The following HECTD4 variants were observed in gnomAD, a reference collection of about 807,000 sequenced individuals.
HECTD4 encodes the protein probable E3 ubiquitin-protein ligase HECTD4.
A neutral mutation model predicts 471.5 loss-of-function variants in HECTD4; 114 were observed. The ratio of observed to expected loss-of-function variants is 0.24; its 90% CI spans 0.21 to 0.28. The LOEUF is 0.28. HECTD4 is among the 10% of genes least tolerant of loss of function. The pLI is 1.00. For missense variants in HECTD4, 3,866 were observed against 5,651.5 expected (o/e 0.68, Z 10.13); for synonymous variants, 2,012 against 2,256.0 (o/e 0.89, Z 3.07).
In HECTD4 at chr12:112,184,256, C is replaced by T. The variant is rs2031777831; in HGVS notation, c.10710G>A (p.Met3570Ile). The change falls in exon 61 of 76, where the codon ATG becomes ATA. Residue 3570 changes from methionine to isoleucine, a missense_variant. Met to Ile is a conservative substitution (Grantham distance 10, BLOSUM62 1). Transcript: ENST00000682272. The surrounding 1 kb of genome is among the most constrained non-coding windows in gnomAD (Gnocchi z 9.1). ...GGTTGTCCAGGGAAGTGACTGTGTACATGGAGCCCATGTCCGACACCGAGG... is the reference window on the plus strand; with the variant it reads ...GGTTGTCCAGGGAAGTGACTGTGTATATGGAGCCCATGTCCGACACCGAGG... ...ETASVSDMGS[M>I]YTVTSLDNQP... 2 of 1,613,568 alleles carry T rather than the reference C, an allele frequency of 1.2e-6. No individual in the cohort carries two copies. Among genetic ancestry groups the T allele is most frequent in the Non-Finnish European group, 8.5e-7 (1 of 1,179,882 alleles).
intron 1 of HECTD4, among the ~76,000 whole-genome samples, chr12:112,363,992 CAAAA>C (rs1175386198): frequency 5.7e-5 from 3 of 52,886 alleles, no homozygotes; most frequent in African/African-American, 2.2e-4. Context: ...ACTCAATCTC[CAAAA>C]AAAAAAAAAA....
rs1332050804 is a variant in HECTD4, at chr12:112,213,717, T to A, written c.7466-1067A>T. ...ATATATACATATATATATATATATA[T>A]ATAATATATATATAAAATTTAAGGC... On this transcript the variant is annotated intron_variant, in intron 48 of 75. Transcript: ENST00000682272. The surrounding 1 kb of genome is among the most constrained non-coding windows in gnomAD (Gnocchi z 4.0). Among the ~76,000 whole-genome samples, 1 of 144,194 alleles carries A rather than the reference T, an allele frequency of 6.9e-6. No individual in the cohort carries two copies. The highest frequency in any genetic ancestry group is 1.5e-5 in the Non-Finnish European group (1 of 66,574). The allele number at this position is 144,194 out of a possible 152,430, so 94.6% of individuals were successfully genotyped here. A position where few individuals can be genotyped will look rare whatever the true frequency, so the allele number is the denominator to read the frequency against.
rs1056552755 is a variant in HECTD4 at position 112,246,911 on chromosome 12, A to G, written c.4503T>C (p.Ala1501=). Residue 1501 remains alanine, a synonymous_variant, in exon 29 of 76, where the codon GCT becomes GCC. Transcript: ENST00000682272. ...GLTRSISGTP[A]ETPACKSASE... is the part of the protein sequence containing the mutation. ...ATCTTTGAGCAGTACCTGGTGTTTCAGCAGGGGTCCCAGAGATGCTTCTCG... is the reference window on the plus strand; with the variant it reads ...ATCTTTGAGCAGTACCTGGTGTTTCGGCAGGGGTCCCAGAGATGCTTCTCG... 6.2e-7 allele frequency: 1 copy of G among 1,611,784 alleles called. No individual in the cohort carries two copies. The highest frequency in any genetic ancestry group is 1.3e-5 in the African/African-American group (1 of 74,840).
At chr12:112,269,542 G>A (rs2034369832) in intron 13 of HECTD4, among the ~76,000 whole-genome samples, 162 bp downstream of exon 13, 1 of 152,226 alleles carries the variant, frequency 6.6e-6, no homozygotes, top group African/African-American at 2.4e-5. Context: ...CTCTGAAGGT[G>A]GGGCCACAAA....
At position 112,243,576 on chromosome 12, in the gene HECTD4, G is replaced by T; in HGVS notation, c.4791+44C>A. On this transcript the variant is annotated intron_variant, in intron 31 of 75. Coordinates refer to ENST00000682272, the MANE Select transcript of HECTD4 (RefSeq NM_001388303.1). This position sits in a 1 kb window ranked among gnomAD's most constrained non-coding sequence, Gnocchi z 6.6. Reference sequence around the variant, plus strand: ...TGCTAACTGCCGCAAGACCCCGCATGCTGTTAGGTGCTATTCATCTGGAGC... The same window carrying T: ...TGCTAACTGCCGCAAGACCCCGCATTCTGTTAGGTGCTATTCATCTGGAGC... 6.2e-7 allele frequency: 1 copy of T among 1,602,042 alleles called. No homozygotes were observed. The highest frequency in any genetic ancestry group is 8.5e-7 in the Non-Finnish European group (1 of 1,173,278).
chr12:112,256,713 G>GAT (rs2034017387), intron 20 of HECTD4, 195 bp from the exon 21 acceptor site: 1 of 373,106 alleles, frequency 2.7e-6, no homozygotes, highest in African/African-American at 2.1e-5. Flanking sequence ...CTTGTTGTCA[G>GAT]ATATTATACT....
intron 60 of HECTD4, among the ~76,000 whole-genome samples, chr12:112,186,220 G>A (rs1341524048): frequency 6.6e-6 from 1 of 151,098 alleles, no homozygotes; most frequent in African/African-American, 2.4e-5. Flanking sequence ...GAACTCCTGG[G>A]CTCAAGCAAT....
At chr12:112,192,508 AGAG>A in intron 59 of HECTD4, 49 bp downstream of exon 59, 1 of 1,312,436 alleles carries the variant, frequency 7.6e-7, no homozygotes, top group South Asian at 1.6e-5. Flanking sequence ...AAAGAAGGCA[AGAG>A]GAGAATGACT....
chr12:112,168,068 G>C (rs888821609), intron 70 of HECTD4, among the ~76,000 whole-genome samples, 151 bp from the exon 71 acceptor site: 7 of 152,196 alleles, frequency 4.6e-5, no homozygotes, highest in Non-Finnish European at 1.0e-4. Flanking sequence ...CCAGGCCTGG[G>C]AGGCCTCAGG....
chr12:112,241,834 C>G (rs2033647913), intron 32 of HECTD4, among the ~76,000 whole-genome samples: 1 of 152,148 alleles, frequency 6.6e-6, no homozygotes, highest in South Asian at 2.1e-4. Context: ...GTACTCCCAG[C>G]TACTTGGAAG....
rs2032155932 is a variant in HECTD4 at position 112,193,765 on chromosome 12, G to C, written c.8750-91C>G. The stretch of plus-strand genomic sequence containing the variant: ...TAACAGAAAATGAATAACCCATCCA[G>C]AAACCCCAGATGGGAGGGTTATCCT... On this transcript the variant is annotated intron_variant, in intron 56 of 75. Transcript: ENST00000682272. The surrounding 1 kb of genome is among the most constrained non-coding windows in gnomAD (Gnocchi z 5.2). The C allele has an allele frequency of 8.8e-7, 1 of 1,139,760 alleles. No homozygotes were observed. Among genetic ancestry groups the C allele is most frequent in the Non-Finnish European group, 1.3e-6 (1 of 779,896 alleles). 70.6% of individuals were successfully genotyped at this position (1,139,760 alleles called of 1,614,324 possible). A position where few individuals can be genotyped will look rare whatever the true frequency, so the allele number is the denominator to read the frequency against.
In HECTD4 at chr12:112,301,949, A is replaced by G. The variant is rs925408409; in HGVS notation, c.1335+4115T>C. 6.8e-6 allele frequency: 6 copies of G among 878,356 alleles called. No individual in the cohort carries two copies. The South Asian group carries it at 7.9e-5, about 12-fold the overall frequency. The allele number at this position is 878,356 out of a possible 1,614,324, so 54.4% of individuals were successfully genotyped here. ...GCAAGCCACAGACTTGGGACCCAAGATATTGCCTCCCCAGTGACAGCAGAT... is the reference window on the plus strand; with the variant it reads ...GCAAGCCACAGACTTGGGACCCAAGGTATTGCCTCCCCAGTGACAGCAGAT... On this transcript the variant is annotated intron_variant, in intron 7 of 75. Coordinates refer to ENST00000682272, the MANE Select transcript of HECTD4 (RefSeq NM_001388303.1).
intron 50 of HECTD4, 29 bp downstream of exon 50, chr12:112,209,986 G>A (rs908395860): frequency 6.5e-7 from 1 of 1,545,048 alleles, no homozygotes; most frequent in South Asian, 1.1e-5. Context: ...GGAAGCCATG[G>A]AGGCAGTAAG....
At chr12:112,377,189 T>C (rs1163316639) in intron 1 of HECTD4, among the ~76,000 whole-genome samples, 1 of 151,882 alleles carries the variant, frequency 6.6e-6, no homozygotes, top group Non-Finnish European at 1.5e-5. Context: ...CTGAGCACTC[T>C]GGGAGTCTCA....
At chr12:112,283,826 T>C (rs940983416) in intron 7 of HECTD4, among the ~76,000 whole-genome samples, 1 of 152,228 alleles carries the variant, frequency 6.6e-6, no homozygotes, top group African/African-American at 2.4e-5. Flanking sequence ...GGATCTTTGC[T>C]GGTGCTTTGC....
rs564846103 is a variant in HECTD4 at position 112,194,947 on chromosome 12, C to T, written c.8687G>A (p.Arg2896Gln). Residue 2896 changes from arginine (R) to glutamine (Q), a missense_variant, in exon 56 of 76, where the codon CGG becomes CAG. Transcript: ENST00000682272. The surrounding 1 kb of genome is among the most constrained non-coding windows in gnomAD (Gnocchi z 4.6). The stretch of plus-strand genomic sequence containing the variant: ...TTGCAGGTGCTCCAGGGTAATGTCC[C>T]GGATGGCAGGGATGTGGAAGAGGCG... ...FTRLFHIPAI[R>Q]DITLEHLQLL... is the part of the protein sequence containing the mutation. 16 of 1,610,136 alleles carry T rather than the reference C, an allele frequency of 9.9e-6. No homozygotes were observed. The highest frequency in any genetic ancestry group is 8.9e-5 in the South Asian group (8 of 90,064).
intron 1 of HECTD4, among the ~76,000 whole-genome samples, chr12:112,371,795 A>G (rs1403840250): frequency 2.0e-5 from 3 of 149,874 alleles, no homozygotes; most frequent in Non-Finnish European, 1.5e-5. Context: ...CTGAGGCAGG[A>G]GAATCGCTTA....
intron 44 of HECTD4, among the ~76,000 whole-genome samples, chr12:112,220,958 TTA>T (rs1318299778): frequency 6.6e-6 from 1 of 152,138 alleles, no homozygotes; most frequent in Admixed American, 6.6e-5. Flanking sequence ...CTACAAATTT[TTA>T]TTTTTTTGAG....
chr12:112,328,468 C>T (rs766172259), intron 1 of HECTD4, among the ~76,000 whole-genome samples: 8 of 152,170 alleles, frequency 5.3e-5, no homozygotes, highest in Non-Finnish European at 1.2e-4. Flanking sequence ...AGGCAGAATA[C>T]TGAAACCCTC....
Sources: gnomAD v4.1 joint callset for allele counts (sites outside exome capture counted in the v4.1 genomes callset) on GRCh38, gnomAD v4.1.1 for gene constraint, Gnocchi (gnomAD v3.1) non-coding constraint, MANE v1.5 for transcripts, NCBI Gene and HGNC (gene_info 2026-07-23, HGNC 2026-07-21) for gene names.